AGBL1: variants seen among roughly 807,000 people sequenced by gnomAD.
AGBL1 encodes cytosolic carboxypeptidase 4.
Under a neutral mutation model 118.9 loss-of-function variants are expected in AGBL1, and 130 were observed. The observed-to-expected ratio is 1.09, with a 90% CI of 0.95 to 1.26. The LOEUF is 1.26. Among genes scored for constraint, AGBL1 ranks in the 50% most tolerant of loss-of-function variants. The pLI is 0.00. For missense variants in AGBL1, 1,584 were observed against 1,298.1 expected (o/e 1.22, Z -3.38); for synonymous variants, 555 against 478.9 (o/e 1.16, Z -2.08).
intron 8 of AGBL1, 36 bp downstream of exon 8, chr15:86,257,054 GT>G (rs2078908303): frequency 6.3e-7 from 1 of 1,584,886 alleles, no homozygotes; most frequent in Non-Finnish European, 8.6e-7. Context: ...TTTAAGATGA[GT>G]TTTTGCATTT....
chr15:86,926,224 A>T (rs1254431348), intron 23 of AGBL1, among the ~76,000 whole-genome samples: 4 of 152,038 alleles, frequency 2.6e-5, no homozygotes, highest in Non-Finnish European at 5.9e-5. Context: ...TCTGCTGCAG[A>T]TGAAAAGAAG....
intron 1 of AGBL1, among the ~76,000 whole-genome samples, chr15:86,112,933 T>G (rs1383477493): frequency 6.6e-6 from 1 of 152,342 alleles, no homozygotes; most frequent in East Asian, 1.9e-4. Flanking sequence ...TAAGGGAAAG[T>G]TTTACTTTAG....
chr15:86,557,758 A>C (rs1402455034), intron 21 of AGBL1, among the ~76,000 whole-genome samples: 1 of 151,984 alleles, frequency 6.6e-6, no homozygotes, highest in Non-Finnish European at 1.5e-5. Flanking sequence ...TTTTATACTC[A>C]ATGCTTAGTA....
intron 18 of AGBL1, among the ~76,000 whole-genome samples, chr15:86,400,218 C>A (rs1011808162): frequency 6.6e-6 from 1 of 152,074 alleles, no homozygotes; most frequent in African/African-American, 2.4e-5. Flanking sequence ...GTGTTTTGAT[C>A]TTTGTCCTGT....
intron 18 of AGBL1, among the ~76,000 whole-genome samples, chr15:86,401,615 T>C (rs924260221): frequency 6.6e-6 from 1 of 152,148 alleles, no homozygotes; most frequent in Admixed American, 6.6e-5. Context: ...CCATCTTGAG[T>C]TGATTTTTAT....
chr15:86,251,151 A>G (rs1211877583), intron 7 of AGBL1, among the ~76,000 whole-genome samples: 1 of 152,226 alleles, frequency 6.6e-6, no homozygotes, highest in Non-Finnish European at 1.5e-5. Context: ...ATCTATTATT[A>G]TCTCCCTTTT....
intron 6 of AGBL1, among the ~76,000 whole-genome samples, chr15:86,235,562 T>A (rs1244766057): frequency 6.6e-6 from 1 of 152,200 alleles, no homozygotes; most frequent in East Asian, 1.9e-4. Flanking sequence ...AGAAAGTACA[T>A]CATGGCTTCC....
chr15:86,519,493 A>G (rs1244661667), intron 18 of AGBL1, among the ~76,000 whole-genome samples: 7 of 152,210 alleles, frequency 4.6e-5, no homozygotes, highest in Admixed American at 4.6e-4. Context: ...TTCTGACTGC[A>G]TGAATCTCTG....
chr15:86,404,125 G>C (rs1015577700), intron 18 of AGBL1, among the ~76,000 whole-genome samples: 2 of 152,104 alleles, frequency 1.3e-5, no homozygotes, highest in Non-Finnish European at 2.9e-5. Context: ...TCAGCTGCTT[G>C]GTTCTGAAAT....
chr15:87,009,824 G>A (rs2081540256), intron 24 of AGBL1, among the ~76,000 whole-genome samples: 1 of 152,202 alleles, frequency 6.6e-6, no homozygotes, highest in Non-Finnish European at 1.5e-5. Flanking sequence ...GACTTGCATG[G>A]GGCCTGTAGC....
At chr15:86,136,519 G>A (rs1022233553) in intron 1 of AGBL1, among the ~76,000 whole-genome samples, 1 of 152,254 alleles carries the variant, frequency 6.6e-6, no homozygotes, top group African/African-American at 2.4e-5. Flanking sequence ...GGGAAGGCAG[G>A]TTAGCTGGGA....
intron 21 of AGBL1, among the ~76,000 whole-genome samples, chr15:86,593,290 C>A (rs569776508): frequency 8.5e-6 from 1 of 117,636 alleles, no homozygotes; most frequent in Non-Finnish European, 1.8e-5. Flanking sequence ...TCCCAAGGAA[C>A]CTTAGATTTT....
intron 17 of AGBL1, among the ~76,000 whole-genome samples, chr15:86,335,536 A>C (rs891487648): frequency 6.6e-6 from 1 of 152,216 alleles, no homozygotes; most frequent in Non-Finnish European, 1.5e-5. Flanking sequence ...CCAGAAGTAC[A>C]AAAGATATAA....
intron 16 of AGBL1, among the ~76,000 whole-genome samples, chr15:86,291,967 T>A (rs531928744): frequency 6.6e-6 from 1 of 152,334 alleles, no homozygotes; most frequent in African/African-American, 2.4e-5. Context: ...ATGCTTCTTA[T>A]AATTCCTTTA....
At chr15:86,383,261 A>AG (rs2081137544) in intron 17 of AGBL1, among the ~76,000 whole-genome samples, 3 of 148,350 alleles carry the variant, frequency 2.0e-5, no homozygotes, top group African/African-American at 7.6e-5. Flanking sequence ...AAAAAAAAAA[A>AG]AAAAAAAAAA....
intron 21 of AGBL1, among the ~76,000 whole-genome samples, chr15:86,657,760 C>G (rs1462502813): frequency 1.3e-5 from 2 of 151,946 alleles, no homozygotes; most frequent in African/African-American, 2.4e-5. Context: ...ACACATCTCT[C>G]GTAAGTCTCC....
rs139117474 is a variant in AGBL1, at chr15:86,158,563, A to G, written c.395-370A>G. On this transcript the variant is annotated intron_variant, in intron 4 of 22. Transcript: ENST00000614907. ...TGGGGCATCCTTGGAGACAAGAGTA[A>G]TATCCAAAAGTTGTATTTACCTAAC... 8.7e-4 allele frequency among the ~76,000 whole-genome samples: 132 copies of G among 152,330 alleles called. 1 individual carries two copies. The highest frequency in any genetic ancestry group is 3.4e-3 in the Middle Eastern group (1 of 294).
rs573238567 is a variant in AGBL1 at position 86,849,076 on chromosome 15, G to A, written c.3159-58011G>A. 1.3e-3 allele frequency among the ~76,000 whole-genome samples: 203 copies of A among 152,278 alleles called. 2 individuals are homozygous for A. Among genetic ancestry groups the A allele is most frequent in the African/African-American group, 4.6e-3 (192 of 41,554 alleles). On this transcript the variant is annotated intron_variant, in intron 22 of 22. Transcript: ENST00000614907. Reference sequence around the variant, plus strand: ...GCTCAGTGTTGATTGAATATGCAGGGCTACTCACTGTCTAGTGAGGAGAGC... The same window carrying A: ...GCTCAGTGTTGATTGAATATGCAGGACTACTCACTGTCTAGTGAGGAGAGC...
intron 22 of AGBL1, among the ~76,000 whole-genome samples, chr15:86,860,450 A>G (rs1168968131): frequency 6.6e-6 from 1 of 150,840 alleles, no homozygotes; most frequent in Admixed American, 6.6e-5. Context: ...ATATATATTT[A>G]TATTTATATA....
Sources: gnomAD v4.1 joint callset for allele counts (sites outside exome capture counted in the v4.1 genomes callset) on GRCh38, gnomAD v4.1.1 for gene constraint, MANE v1.5 for transcripts, NCBI Gene and HGNC (gene_info 2026-07-23, HGNC 2026-07-21) for gene names.